NKAIN2: variants seen among roughly 807,000 people sequenced by gnomAD.
NKAIN2 encodes sodium/potassium-transporting ATPase subunit beta-1-interacting protein 2.
NKAIN2 carries 14 observed loss-of-function variants against 32.6 expected under a neutral mutation model. The observed-to-expected ratio is 0.43, with a 90% CI of 0.28 to 0.67. NKAIN2 has a LOEUF of 0.67. Among genes scored for constraint, NKAIN2 ranks in the 30% least tolerant of loss-of-function variants. NKAIN2 has a pLI of 0.17. For missense variants in NKAIN2, 198 were observed against 258.3 expected (o/e 0.77, Z 1.60); for synonymous variants, 80 against 87.2 (o/e 0.92, Z 0.46).
intron 1 of NKAIN2, among the ~76,000 whole-genome samples, chr6:124,158,974 T>A (rs1788133502): frequency 6.6e-6 from 1 of 152,172 alleles, no homozygotes; most frequent in Non-Finnish European, 1.5e-5. Flanking sequence ...GACACCCTCA[T>A]AGGATTTTGG....
At chr6:124,238,332 C>T (rs1278687165) in intron 1 of NKAIN2, among the ~76,000 whole-genome samples, 2 of 151,998 alleles carry the variant, frequency 1.3e-5, no homozygotes, top group Admixed American at 6.6e-5. Context: ...TTCTTGGCTG[C>T]TTTCATGAAA....
chr6:124,080,825 A>G (rs2114905819), intron 1 of NKAIN2, among the ~76,000 whole-genome samples: 1 of 152,258 alleles, frequency 6.6e-6, no homozygotes, highest in Admixed American at 6.5e-5. Flanking sequence ...TATGTTTGAA[A>G]CAAACATCCT....
chr6:124,086,778 A>AAT (rs1784208938), intron 1 of NKAIN2, among the ~76,000 whole-genome samples: 1 of 151,990 alleles, frequency 6.6e-6, no homozygotes, highest in African/African-American at 2.4e-5. Flanking sequence ...GTCTTATATT[A>AAT]ATCAATAATT....
intron 1 of NKAIN2, among the ~76,000 whole-genome samples, chr6:124,143,983 C>G (rs1369438247): frequency 6.6e-6 from 1 of 151,968 alleles, no homozygotes; most frequent in African/African-American, 2.4e-5. Flanking sequence ...GTGTCTAGCC[C>G]TAGATCTGAT....
At chr6:124,533,421 G>A (rs887620280) in intron 3 of NKAIN2, among the ~76,000 whole-genome samples, 1 of 122,646 alleles carries the variant, frequency 8.2e-6, no homozygotes, top group Non-Finnish European at 1.6e-5. Context: ...GCAGTGAGCC[G>A]AGATTGCACC....
intron 3 of NKAIN2, among the ~76,000 whole-genome samples, chr6:124,484,340 G>A (rs1338365848): frequency 6.6e-6 from 1 of 152,096 alleles, no homozygotes; most frequent in Non-Finnish European, 1.5e-5. Context: ...ATTCATCTAT[G>A]CAATTTATGC....
At chr6:124,413,945 T>G (rs937352088) in intron 3 of NKAIN2, among the ~76,000 whole-genome samples, 11 of 152,116 alleles carry the variant, frequency 7.2e-5, no homozygotes, top group Admixed American at 6.5e-4. Context: ...CTATGGGATT[T>G]TCTACATAGA....
At chr6:124,532,467 C>T (rs1425994482) in intron 3 of NKAIN2, among the ~76,000 whole-genome samples, 5 of 152,158 alleles carry the variant, frequency 3.3e-5, no homozygotes, top group Non-Finnish European at 4.4e-5. Flanking sequence ...TATCTCATCT[C>T]ATATCCAGAG....
intron 1 of NKAIN2, among the ~76,000 whole-genome samples, chr6:124,006,869 G>A (rs116292154): frequency 0.015 from 2,230 of 152,264 alleles, 58 homozygotes; most frequent in African/African-American, 0.051. Context: ...GTAAACAAAA[G>A]TAATTTCATT....
At chr6:123,959,691 CAT>C (rs1479398027) in intron 1 of NKAIN2, among the ~76,000 whole-genome samples, 3 of 151,964 alleles carry the variant, frequency 2.0e-5, no homozygotes, top group African/African-American at 7.3e-5. Flanking sequence ...CTTCCTAACT[CAT>C]AGTCTAACTC....
chr6:124,452,956 A>G (rs1461437112), intron 3 of NKAIN2, among the ~76,000 whole-genome samples: 1 of 152,068 alleles, frequency 6.6e-6, no homozygotes, highest in Non-Finnish European at 1.5e-5. Context: ...CCTGCCAAGC[A>G]GTAGTTCTTC....
chr6:124,090,650 A>G (rs537884882), intron 1 of NKAIN2, among the ~76,000 whole-genome samples: 1 of 152,018 alleles, frequency 6.6e-6, no homozygotes, highest in Non-Finnish European at 1.5e-5. Context: ...AGGAACTGCC[A>G]CTTATTAACT....
At chr6:124,146,808 T>C (rs1269660123) in intron 1 of NKAIN2, among the ~76,000 whole-genome samples, 1 of 152,148 alleles carries the variant, frequency 6.6e-6, no homozygotes, top group Non-Finnish European at 1.5e-5. Context: ...ACTAAATGCA[T>C]ACTGTTTAGG....
At chr6:124,786,353 T>C (rs6932127) in intron 4 of NKAIN2, among the ~76,000 whole-genome samples, 27,540 of 152,034 alleles carry the variant, frequency 0.18, 3,294 homozygotes, top group African/African-American at 0.33. Flanking sequence ...AAAGGTATCC[T>C]TCCCATTGCT....
chr6:124,745,711 G>A (rs1033649575), intron 4 of NKAIN2, among the ~76,000 whole-genome samples: 1 of 151,768 alleles, frequency 6.6e-6, no homozygotes, highest in Non-Finnish European at 1.5e-5. Context: ...GAATTTTACT[G>A]TTATTTCTCA....
In NKAIN2 at chr6:124,743,169, G is replaced by T. The variant is rs190881168; in HGVS notation, c.475-48170G>T. On this transcript the variant is annotated intron_variant, in intron 4 of 6. Coordinates refer to ENST00000368417, the MANE Select transcript of NKAIN2 (RefSeq NM_001040214.3). Reference sequence around the variant, plus strand: ...ACTGTATCTCTGCCCCTCGCTTGCTGTGTGGTTTTGGAAGCTTGCCTAACC... The same window carrying T: ...ACTGTATCTCTGCCCCTCGCTTGCTTTGTGGTTTTGGAAGCTTGCCTAACC... Among the ~76,000 whole-genome samples, 136 of 151,968 alleles carry T rather than the reference G, an allele frequency of 8.9e-4. 2 individuals carry two copies. The highest frequency in any genetic ancestry group is 8.3e-4 in the Non-Finnish European group (56 of 67,868).
intron 3 of NKAIN2, among the ~76,000 whole-genome samples, chr6:124,433,769 G>A (rs1775319003): frequency 6.6e-6 from 1 of 152,134 alleles, no homozygotes; most frequent in South Asian, 2.1e-4. Flanking sequence ...TGTCTTCCCA[G>A]AAATGTTGTG....
chr6:123,939,065 A>G (rs1776694601), intron 1 of NKAIN2, among the ~76,000 whole-genome samples: 1 of 151,972 alleles, frequency 6.6e-6, no homozygotes, highest in Non-Finnish European at 1.5e-5. Context: ...TACGAGTCAG[A>G]CTTTAGAAGT....
At chr6:124,010,828 T>TGTG (rs1780290493) in intron 1 of NKAIN2, among the ~76,000 whole-genome samples, 2 of 152,270 alleles carry the variant, frequency 1.3e-5, no homozygotes, top group Admixed American at 1.3e-4. Context: ...TTAGAAACTG[T>TGTG]GTGGTGGTGA....
Sources: gnomAD v4.1 joint callset for allele counts (sites outside exome capture counted in the v4.1 genomes callset) on GRCh38, gnomAD v4.1.1 for gene constraint, MANE v1.5 for transcripts, NCBI Gene and HGNC (gene_info 2026-07-23, HGNC 2026-07-21) for gene names.